The following EFR3A variants were observed in gnomAD, a reference collection of about 807,000 sequenced individuals.
EFR3A encodes protein EFR3 homolog A.
A neutral mutation model predicts 104.4 loss-of-function variants in EFR3A; 76 were observed. The observed-to-expected ratio is 0.73, with a 90% CI of 0.60 to 0.88. EFR3A has a LOEUF of 0.88. Ranked by LOEUF, EFR3A falls within the 40% of genes least tolerant of loss-of-function variation. EFR3A has a pLI of 0.00. For missense variants in EFR3A, 985 were observed against 1,012.5 expected (o/e 0.97, Z 0.37); for synonymous variants, 330 against 330.0 (o/e 1.00, Z 0.00).
At chr8:131,996,743 CATT>C (rs1431959613) in intron 19 of EFR3A, among the ~76,000 whole-genome samples, 2 of 152,000 alleles carry the variant, frequency 1.3e-5, no homozygotes, top group African/African-American at 2.4e-5. Flanking sequence ...TCAGATTTCA[CATT>C]ATAATTTAGT....
In EFR3A at chr8:131,946,532, C is replaced by A; in HGVS notation, c.265C>A (p.His89Asn). The change falls in exon 4 of 23, where the codon CAT (histidine) becomes AAT (asparagine). Residue 89 changes from histidine (H) to asparagine (N), a missense_variant. His to Asn is a moderately conservative substitution (Grantham distance 68). Coordinates refer to ENST00000254624, the MANE Select transcript of EFR3A (RefSeq NM_015137.6). Reference sequence around the variant, plus strand: ...ACTGGACCAACTTCTCATGGCTTGCCATTCTCAAAGCATTAAGCCATTTGT... The same window carrying A: ...ACTGGACCAACTTCTCATGGCTTGCAATTCTCAAAGCATTAAGCCATTTGT... ...EALDQLLMAC[H>N]SQSIKPFVES... The A allele has an allele frequency of 6.2e-7, 1 of 1,607,480 alleles. No individual in the cohort carries two copies. Among genetic ancestry groups the A allele is most frequent in the Non-Finnish European group, 8.5e-7 (1 of 1,176,870 alleles).
intron 3 of EFR3A, among the ~76,000 whole-genome samples, chr8:131,945,192 TAAAA>T (rs1484924487): frequency 3.3e-5 from 5 of 152,000 alleles, no homozygotes; most frequent in Non-Finnish European, 7.4e-5. Flanking sequence ...TACTGTAATT[TAAAA>T]ATCAGTCTCT....
Position 131,992,750 on chromosome 8 carries a change from C to A in EFR3A, c.2066-3656C>A, listed in dbSNP as rs563111855. Among the ~76,000 whole-genome samples the A allele has an allele frequency of 1.8e-3, 274 of 152,190 alleles. 2 individuals carry two copies. Among genetic ancestry groups the A allele is most frequent in the African/African-American group, 6.4e-3 (266 of 41,534 alleles). On this transcript the variant is annotated intron_variant, in intron 18 of 22. Transcript: ENST00000254624. The stretch of plus-strand genomic sequence containing the variant: ...TAGAAAGCAGATATCCCACAGCGTG[C>A]ACAGAGGTTAGAAAACAGGCATCTT...
rs988320079 is a variant in EFR3A at position 132,002,570 on chromosome 8, C to T, written c.2207-33C>T. On this transcript the variant is annotated intron_variant, in intron 20 of 22. Transcript: ENST00000254624. ...ACTGGGTTCTGTGAAATTATGTATT[C>T]CCTTTAATAAGTCTTTATAAATATT... 8 of 1,538,458 alleles carry T rather than the reference C, an allele frequency of 5.2e-6. No individual in the cohort carries two copies. In the Admixed American group the frequency reaches 1.0e-4, roughly 20 times the overall value.
At chr8:131,953,216 T>C (rs1818793827) in intron 5 of EFR3A, among the ~76,000 whole-genome samples, 1 of 152,138 alleles carries the variant, frequency 6.6e-6, no homozygotes, top group African/African-American at 2.4e-5. Flanking sequence ...ACTATTATAT[T>C]GATACATTTT....
intron 12 of EFR3A, 91 bp from the exon 13 acceptor site, chr8:131,978,751 TCTTTC>T: frequency 3.1e-6 from 3 of 983,166 alleles, no homozygotes; most frequent in Middle Eastern, 2.6e-4. Context: ...GTCCATATTT[TCTTTC>T]CTAAGTTTAT....
chr8:132,011,318 G>C lies in EFR3A; in HGVS notation c.*423G>C, dbSNP rs1021480221. The C allele has an allele frequency of 1.2e-4, 116 of 987,762 alleles. No individual in the cohort carries two copies. The highest frequency in any genetic ancestry group is 1.4e-4 in the Non-Finnish European group (115 of 831,388). 61.2% of individuals were successfully genotyped at this position (987,762 alleles called of 1,614,324 possible). A position where few individuals can be genotyped will look rare whatever the true frequency, so the allele number is the denominator to read the frequency against. On this transcript the variant is annotated 3_prime_UTR_variant, in exon 23 of 23. Transcript: ENST00000254624. ...TTTGTTGTTGTTTTCTGCAAAGGCA[G>C]ATACATTTAAATATATTCCTAGTCC... is the stretch of plus-strand genomic sequence containing the variant.
At position 131,978,914 on chromosome 8, in the gene EFR3A, T is replaced by C. The variant is rs1820458915; in HGVS notation, c.1394T>C (p.Leu465Ser). The C allele has an allele frequency of 6.2e-7, 1 of 1,613,044 alleles. No individual in the cohort carries two copies. The highest frequency in any genetic ancestry group is 8.5e-7 in the Non-Finnish European group (1 of 1,179,262). ...ALPGSFLDPL[L>S]SPSLMEDYEL... ...CCAGGGTCTTTCCTGGATCCTTTGTTATCACCATCTCTCATGGAGGACTAC... is the reference window on the plus strand; with the variant it reads ...CCAGGGTCTTTCCTGGATCCTTTGTCATCACCATCTCTCATGGAGGACTAC... Residue 465 changes from leucine (L) to serine (S), a missense_variant, in exon 13 of 23, where the codon TTA becomes TCA. By Grantham distance (145) the Leu-to-Ser change is moderately radical. Coordinates refer to ENST00000254624, the MANE Select transcript of EFR3A (RefSeq NM_015137.6).
chr8:131,987,918 G>A (rs938691373), intron 18 of EFR3A, among the ~76,000 whole-genome samples: 2 of 152,006 alleles, frequency 1.3e-5, no homozygotes, highest in Non-Finnish European at 2.9e-5. Context: ...TTTACCAGGA[G>A]CAAATCAAGT....
chr8:131,959,750 C>T, intron 8 of EFR3A, 87 bp downstream of exon 8: 1 of 827,698 alleles, frequency 1.2e-6, no homozygotes, highest in Non-Finnish European at 1.9e-6. Flanking sequence ...ATGTGGGAAG[C>T]TGTAGGATAT....
At chr8:131,947,678 TAA>T (rs2130590917) in intron 4 of EFR3A, among the ~76,000 whole-genome samples, 1 of 152,150 alleles carries the variant, frequency 6.6e-6, no homozygotes, top group South Asian at 2.1e-4. Context: ...TTTTACAGTT[TAA>T]GTTTGTATTT....
At chr8:131,912,040 C>G (rs1285301039) in intron 1 of EFR3A, among the ~76,000 whole-genome samples, 3 of 152,154 alleles carry the variant, frequency 2.0e-5, no homozygotes, top group Non-Finnish European at 2.9e-5. Flanking sequence ...AAGAGCGATT[C>G]TGGTTTCTAT....
At chr8:131,961,290 G>A (rs868417647) in intron 8 of EFR3A, among the ~76,000 whole-genome samples, 1 of 152,100 alleles carries the variant, frequency 6.6e-6, no homozygotes, top group Non-Finnish European at 1.5e-5. Context: ...TCGAACCCAT[G>A]GCAAAGAAGT....
chr8:131,946,213 A>T (rs10104261), intron 3 of EFR3A, among the ~76,000 whole-genome samples: 40,617 of 151,996 alleles, frequency 0.27, 6,237 homozygotes, highest in East Asian at 0.49. Flanking sequence ...AAAGAAAAAT[A>T]TACACAAAGT....
intron 8 of EFR3A, among the ~76,000 whole-genome samples, chr8:131,963,186 C>A (rs1819493364): frequency 2.0e-5 from 3 of 152,140 alleles, no homozygotes; most frequent in Admixed American, 2.0e-4. Flanking sequence ...CAAACACATT[C>A]AAAAGCTAGC....
chr8:131,937,399 T>C (rs1273568521), intron 1 of EFR3A, among the ~76,000 whole-genome samples: 1 of 152,142 alleles, frequency 6.6e-6, no homozygotes, highest in Non-Finnish European at 1.5e-5. Flanking sequence ...ACTTCTGAGC[T>C]TATGTGTACA....
At chr8:131,995,782 C>A (rs950716005) in intron 18 of EFR3A, among the ~76,000 whole-genome samples, 1 of 152,172 alleles carries the variant, frequency 6.6e-6, no homozygotes, top group African/African-American at 2.4e-5. Context: ...TTAGCTAGAG[C>A]ACTCAGGTAA....
intron 8 of EFR3A, among the ~76,000 whole-genome samples, chr8:131,965,309 T>C (rs914210665): frequency 1.3e-5 from 2 of 152,086 alleles, no homozygotes; most frequent in African/African-American, 4.8e-5. Context: ...ATTTTTGCAA[T>C]CTACTCATCT....
chr8:131,971,548 C>T lies in EFR3A; in HGVS notation c.1159+905C>T, dbSNP rs1322293052. Among the ~76,000 whole-genome samples, 3 of 151,984 alleles carry T rather than the reference C, an allele frequency of 2.0e-5. No homozygotes were observed. The South Asian group carries it at 6.2e-4, about 32-fold the overall frequency. Reference sequence around the variant, plus strand: ...CTAAGAATACAAAAAATTAGCCGGGCGAGGTGGCGGGCACCTGTAGTCCCA... The same window carrying T: ...CTAAGAATACAAAAAATTAGCCGGGTGAGGTGGCGGGCACCTGTAGTCCCA... On this transcript the variant is annotated intron_variant, in intron 10 of 22. Transcript: ENST00000254624.
Sources: allele counts gnomAD v4.1 joint callset (sites outside exome capture counted in the v4.1 genomes callset), GRCh38; gene constraint gnomAD v4.1.1; transcripts MANE v1.5; gene names NCBI Gene and HGNC (gene_info 2026-07-23, HGNC 2026-07-21).